EGFR: variants seen among roughly 807,000 people sequenced by gnomAD.
EGFR encodes the protein avian erythroblastic leukemia viral (v-erb-b) oncogene homolog.
A neutral mutation model predicts 143.0 loss-of-function variants in EGFR; 58 were observed. The ratio of observed to expected loss-of-function variants is 0.41; its 90% CI spans 0.33 to 0.50. EGFR has a LOEUF of 0.50. EGFR is among the 20% of genes least tolerant of loss of function. EGFR has a pLI of 0.39. For missense variants in EGFR, 1,307 were observed against 1,579.0 expected, an observed-to-expected ratio of 0.83 and a Z score of 2.92; for synonymous variants, 613 against 594.4, an observed-to-expected ratio of 1.03 and a Z score of -0.45.
intron 1 of EGFR, among the ~76,000 whole-genome samples, chr7:55,045,746 A>G (rs1043373938): frequency 6.6e-6 from 1 of 152,246 alleles, no homozygotes; most frequent in Non-Finnish European, 1.5e-5. Context: ...GAAGTACTCA[A>G]TAAATACCAA....
rs541000134 is a variant in EGFR, at chr7:55,133,497, G to A, written c.89-8789G>A. Among the ~76,000 whole-genome samples, 4 of 152,338 alleles carry A rather than the reference G, an allele frequency of 2.6e-5. No homozygotes were observed. In the East Asian group the frequency reaches 7.7e-4, roughly 29 times the overall value. On this transcript the variant is annotated intron_variant, in intron 1 of 27. Coordinates refer to ENST00000275493, the MANE Select transcript of EGFR (RefSeq NM_005228.5). ...AAGAGCTGGCTTCCTGAAGTCAGCT[G>A]GCCGGGTTTTGAAGCCGATTTTCCA...
At chr7:55,025,043 T>C (rs1786803260) in intron 1 of EGFR, among the ~76,000 whole-genome samples, 1 of 152,182 alleles carries the variant, frequency 6.6e-6, no homozygotes, top group Non-Finnish European at 1.5e-5. Context: ...GCAAAGTTCT[T>C]GAGAGTGCTA....
At chr7:55,200,860 A>G (rs1466713150) in intron 24 of EGFR, 2 of 486,150 alleles carry the variant, frequency 4.1e-6, no homozygotes, top group East Asian at 3.6e-5. Context: ...TCAATAAAAT[A>G]TGTTGCAAAA....
chr7:55,061,819 C>A (rs1789200878), intron 1 of EGFR, among the ~76,000 whole-genome samples: 1 of 152,156 alleles, frequency 6.6e-6, no homozygotes, highest in Non-Finnish European at 1.5e-5. Context: ...AACTTGATGG[C>A]CTAATTTTTG....
At chr7:55,173,169 C>A (rs768107318) in intron 17 of EGFR, 45 bp downstream of exon 17, 1 of 1,601,408 alleles carries the variant, frequency 6.2e-7, no homozygotes, top group Non-Finnish European at 8.5e-7. Flanking sequence ...CGCACCCCGA[C>A]AGGAACAAGG....
chr7:55,145,770 G>T (rs904311444), intron 3 of EGFR, among the ~76,000 whole-genome samples: 5 of 152,192 alleles, frequency 3.3e-5, no homozygotes, highest in African/African-American at 1.2e-4. Context: ...AGCCAGCAAG[G>T]TACCCAGCCT....
chr7:55,203,657 CCACA>C (rs969252418), intron 27 of EGFR, among the ~76,000 whole-genome samples: 7 of 140,274 alleles, frequency 5.0e-5, no homozygotes, highest in African/African-American at 1.3e-4. Context: ...ACACCACACA[CCACA>C]CACACACATA....
chr7:55,144,495 T>TAA (rs1210244441), intron 3 of EGFR, among the ~76,000 whole-genome samples: 1 of 151,702 alleles, frequency 6.6e-6, no homozygotes, highest in Non-Finnish European at 1.5e-5. Context: ...AGGAAAGGGG[T>TAA]GTGATGAAAG....
At chr7:55,108,399 T>C (rs1231430801) in intron 1 of EGFR, among the ~76,000 whole-genome samples, 1 of 152,268 alleles carries the variant, frequency 6.6e-6, no homozygotes, top group Non-Finnish European at 1.5e-5. Flanking sequence ...TGTTGTCGAA[T>C]GTGTGGGTTA....
intron 12 of EGFR, among the ~76,000 whole-genome samples, chr7:55,161,270 G>C (rs1785684559): frequency 6.6e-6 from 1 of 152,240 alleles, no homozygotes; most frequent in South Asian, 2.1e-4. Context: ...GTCCTCCACT[G>C]TCAGGCACAT....
At position 55,148,066 on chromosome 7, in the gene EGFR, T is replaced by G. The variant is rs540055581; in HGVS notation, c.559+1326T>G. Among the ~76,000 whole-genome samples, 4 of 152,366 alleles carry G rather than the reference T, an allele frequency of 2.6e-5. No individual in the cohort carries two copies. In the East Asian group the frequency reaches 7.7e-4, roughly 29 times the overall value. On this transcript the variant is annotated intron_variant, in intron 4 of 27. Transcript: ENST00000275493. ...ACTGGGGTTGCTTCCATCTTTTGAC[T>G]GTTTGAATAATGCTGCTGTGAACAT... is the stretch of plus-strand genomic sequence containing the variant.
chr7:55,096,958 C>T (rs1260312282), intron 1 of EGFR, among the ~76,000 whole-genome samples: 1 of 147,274 alleles, frequency 6.8e-6, no homozygotes, highest in Non-Finnish European at 1.5e-5. Flanking sequence ...CCGTTCCTTA[C>T]CCCCCCAGCT....
rs2128953521 is a variant in EGFR, at chr7:55,173,937, C to T, written c.2078C>T (p.Thr693Ile). Residue 693 changes from threonine to isoleucine, a missense_variant, in exon 18 of 28, where the codon ACA becomes ATA. By Grantham distance (89) the Thr-to-Ile change is moderately conservative. Around this residue, in one of 7 missense-constraint regions of EGFR, gnomAD observed 348 missense variants for 451.5 expected, o/e 0.77. Coordinates refer to ENST00000275493, the MANE Select transcript of EGFR (RefSeq NM_005228.5). ...LQERELVEPL[T>I]PSGEAPNQAL... is the part of the protein sequence containing the mutation. Reference sequence around the variant, plus strand: ...CCCCCCCAGCTTGTGGAGCCTCTTACACCCAGTGGAGAAGCTCCCAACCAA... The same window carrying T: ...CCCCCCCAGCTTGTGGAGCCTCTTATACCCAGTGGAGAAGCTCCCAACCAA... 2 of 1,614,238 alleles carry T rather than the reference C, an allele frequency of 1.2e-6. No individual in the cohort carries two copies. The highest frequency in any genetic ancestry group is 1.7e-6 in the Non-Finnish European group (2 of 1,180,030).
rs2128853233 is a variant in EGFR, at chr7:55,019,263, C to T, written c.-15C>T. Reference sequence around the variant, plus strand: ...TTGATCGGGAGAGCCGGAGCGAGCTCTTCGGGGAGCAGCGATGCGACCCTC... The same window carrying T: ...TTGATCGGGAGAGCCGGAGCGAGCTTTTCGGGGAGCAGCGATGCGACCCTC... On this transcript the variant is annotated 5_prime_UTR_variant, in exon 1 of 28. Coordinates refer to ENST00000275493, the MANE Select transcript of EGFR (RefSeq NM_005228.5). 6.7e-7 allele frequency: 1 copy of T among 1,488,774 alleles called. No homozygotes were observed. The highest frequency in any genetic ancestry group is 9.0e-7 in the Non-Finnish European group (1 of 1,113,368). 92.2% of individuals were successfully genotyped at this position (1,488,774 alleles called of 1,614,324 possible). A position where few individuals can be genotyped will look rare whatever the true frequency, so the allele number is the denominator to read the frequency against.
chr7:55,091,697 G>A (rs1345312267), intron 1 of EGFR, among the ~76,000 whole-genome samples: 2 of 152,156 alleles, frequency 1.3e-5, no homozygotes, highest in African/African-American at 2.4e-5. Flanking sequence ...CCGGGCCCAG[G>A]AGTAGCACTT....
Position 55,160,339 on chromosome 7 carries a change from G to C in EGFR, c.1498+1G>C. Reference sequence around the variant, plus strand: ...AGCAACAGAGGTGAAAACAGCTGCAGTAAGTCACCGCTTTCTGTTTAGTTT... The same window carrying C: ...AGCAACAGAGGTGAAAACAGCTGCACTAAGTCACCGCTTTCTGTTTAGTTT... On this transcript the variant is annotated splice_donor_variant, in intron 12 of 27. Transcript: ENST00000275493. LOFTEE classifies it high-confidence loss of function. 6.2e-7 allele frequency: 1 copy of C among 1,612,506 alleles called. No individual in the cohort carries two copies.
chr7:55,161,258 C>G (rs1016815086), intron 12 of EGFR, among the ~76,000 whole-genome samples: 7 of 152,242 alleles, frequency 4.6e-5, no homozygotes, highest in Non-Finnish European at 2.9e-5. Context: ...GGAGGAAGAC[C>G]TGTCCTCCAC....
At chr7:55,089,078 G>A (rs748624819) in intron 1 of EGFR, among the ~76,000 whole-genome samples, 3 of 151,104 alleles carry the variant, frequency 2.0e-5, no homozygotes, top group Admixed American at 6.6e-5. Flanking sequence ...ACAAATAAAG[G>A]TCGATCATTT....
At chr7:55,203,427 CAG>C (rs1178376152) in intron 27 of EGFR, among the ~76,000 whole-genome samples, 7 of 81,536 alleles carry the variant, frequency 8.6e-5, no homozygotes, top group African/African-American at 3.0e-4. Flanking sequence ...ACACACAACA[CAG>C]ACACGTACAC....
Sources: gnomAD v4.1 joint callset for allele counts (sites outside exome capture counted in the v4.1 genomes callset) on GRCh38, gnomAD v4.1.1 for gene constraint, gnomAD v4.1.1 regional missense constraint, MANE v1.5 for transcripts, NCBI Gene and HGNC (gene_info 2026-07-23, HGNC 2026-07-21) for gene names.